Variants in EHD1 observed in about 807,000 individuals in gnomAD.
EHD1 encodes EH domain-containing protein 1.
A neutral mutation model predicts 39.0 loss-of-function variants in EHD1; 19 were observed. The ratio of observed to expected loss-of-function variants is 0.49; its 90% CI spans 0.34 to 0.72. The LOEUF (loss-of-function observed/expected upper bound fraction) is 0.72. Among genes scored for constraint, EHD1 ranks in the 30% least tolerant of loss-of-function variants. EHD1 has a pLI of 0.01. For missense variants in EHD1, 542 were observed against 751.5 expected (o/e 0.72, Z 3.26); for synonymous variants, 323 against 331.2 (o/e 0.98, Z 0.27).
At chr11:64,858,026 C>CTT (rs11327531) in intron 3 of EHD1, among the ~76,000 whole-genome samples, 2 of 121,804 alleles carry the variant, frequency 1.6e-5, no homozygotes, top group Admixed American at 8.2e-5. Flanking sequence ...CGGCAAGGGC[C>CTT]TTTTTTTTTT....
chr11:64,867,450 G>C (rs549947481), intron 2 of EHD1, among the ~76,000 whole-genome samples: 13 of 151,702 alleles, frequency 8.6e-5, no homozygotes, highest in African/African-American at 3.1e-4. Flanking sequence ...TAAGCGCGGC[G>C]GCTTATGCCA....
intron 1 of EHD1, chr11:64,875,601 A>C (rs926538524): frequency 6.6e-6 from 1 of 152,458 alleles, no homozygotes; most frequent in African/African-American, 2.4e-5. Flanking sequence ...AGAGCAAAGA[A>C]AAGACTGACC....
At chr11:64,870,668 G>A (rs1007308773) in intron 2 of EHD1, among the ~76,000 whole-genome samples, 3 of 152,242 alleles carry the variant, frequency 2.0e-5, no homozygotes, top group Non-Finnish European at 4.4e-5. Context: ...CGAACTGGCC[G>A]GGCTGCCCAC....
chr11:64,860,100 G>T lies in EHD1; in HGVS notation c.739C>A (p.Pro247Thr). The change falls in exon 3 of 5, where the codon CCC (proline) becomes ACC (threonine). Residue 247 changes from proline (P) to threonine (T), a missense_variant. Physicochemically the swap from Pro to Thr is conservative, Grantham distance 38 (BLOSUM62 -1). Coordinates refer to ENST00000320631, the MANE Select transcript of EHD1 (RefSeq NM_006795.4). Reference sequence around the variant, plus strand: ...CCGATGTAGACCCTGACCACCTCGGGGGTGTTGATGATCTTGCCCAGGGAC... The same window carrying T: ...CCGATGTAGACCCTGACCACCTCGGTGGTGTTGATGATCTTGCCCAGGGAC... ...MWSLGKIINTPEVVRVYIGSF... is the reference protein window; with the variant it reads ...MWSLGKIINTTEVVRVYIGSF... The T allele has an allele frequency of 6.2e-7, 1 of 1,614,170 alleles. No homozygotes were observed. Among genetic ancestry groups the T allele is most frequent in the Non-Finnish European group, 8.5e-7 (1 of 1,180,036 alleles).
At chr11:64,876,234 G>A (rs953827022) in intron 1 of EHD1, among the ~76,000 whole-genome samples, 1 of 152,254 alleles carries the variant, frequency 6.6e-6, no homozygotes, top group Non-Finnish European at 1.5e-5. Context: ...AGGCCGGCAA[G>A]TCAAGTTCAC....
chr11:64,866,209 CATGG>C (rs1201213968), intron 2 of EHD1, among the ~76,000 whole-genome samples: 1 of 152,136 alleles, frequency 6.6e-6, no homozygotes, highest in African/African-American at 2.4e-5. Context: ...TTTGCAGCAA[CATGG>C]ATGGAGCTGG....
At position 64,854,377 on chromosome 11, in the gene EHD1, G is replaced by A; in HGVS notation, c.1561C>T (p.Leu521=). The stretch of plus-strand genomic sequence containing the variant: ...GAGGGCGGCACCAGGTGCGGGGGCA[G>A]GTCGGCGGGCAGCTCGTGGCCCTCC... ...KLEGHELPAD[L]PPHLVPPSKR... The change falls in exon 5 of 5, where the codon CTG becomes TTG. Residue 521 remains leucine, a synonymous_variant. Coordinates refer to ENST00000320631, the MANE Select transcript of EHD1 (RefSeq NM_006795.4). 1 of 1,613,224 alleles carries A rather than the reference G, an allele frequency of 6.2e-7. No homozygotes were observed. Among genetic ancestry groups the A allele is most frequent in the Non-Finnish European group, 8.5e-7 (1 of 1,179,798 alleles).
Position 64,857,152 on chromosome 11 carries a change from C to T in EHD1, c.916-1666G>A, listed in dbSNP as rs546534142. Reference sequence around the variant, plus strand: ...AGAAAAACATCCAGCCAGCCGGGCGCGGTGGCTCACGCCTGTAATCCCAGC... The same window carrying T: ...AGAAAAACATCCAGCCAGCCGGGCGTGGTGGCTCACGCCTGTAATCCCAGC... On this transcript the variant is annotated intron_variant, in intron 3 of 4. Transcript: ENST00000320631. Among the ~76,000 whole-genome samples, 24 of 152,322 alleles carry T rather than the reference C, an allele frequency of 1.6e-4. No homozygotes were observed. The South Asian group carries it at 3.5e-3, about 22-fold the overall frequency.
In EHD1 at chr11:64,852,263, G is replaced by A. The variant is rs1297219796; in HGVS notation, c.*2070C>T. ...ACCCTTAGTTGCATGTTTGTCACAG[G>A]CTATCTGCTTTGTCTTCAGAGGCCC... On this transcript the variant is annotated 3_prime_UTR_variant, in exon 5 of 5. Transcript: ENST00000320631. 2.0e-5 allele frequency: 3 copies of A among 152,240 alleles called. No individual in the cohort carries two copies. The highest frequency in any genetic ancestry group is 4.4e-5 in the Non-Finnish European group (3 of 68,086). The allele number at this position is 152,240 out of a possible 1,614,324, so 9.4% of individuals were successfully genotyped here. A position where few individuals can be genotyped will look rare whatever the true frequency, so the allele number is the denominator to read the frequency against.
rs1401606550 is a variant in EHD1, at chr11:64,878,102, G to A, written c.363C>T (p.Pro121=). ...TGCCAAACGCGTTGAGCTTGCGGAA[G>A]GGGCGCCGCGGGTCCACCACGAGCG... ...GNALVVDPRR[P]FRKLNAFGNA... Residue 121 remains proline (P), a synonymous_variant, in exon 1 of 5, where the codon CCC becomes CCT. Coordinates refer to ENST00000320631, the MANE Select transcript of EHD1 (RefSeq NM_006795.4). 5 of 1,541,424 alleles carry A rather than the reference G, an allele frequency of 3.2e-6. No homozygotes were observed. The highest frequency in any genetic ancestry group is 4.4e-6 in the Non-Finnish European group (5 of 1,143,638).
At chr11:64,859,601 G>A (rs1943690498) in intron 3 of EHD1, 1 of 311,222 alleles carries the variant, frequency 3.2e-6, no homozygotes, top group Non-Finnish European at 6.0e-6. Context: ...CATTTCTGAG[G>A]CTGCCTCCTT....
intron 2 of EHD1, among the ~76,000 whole-genome samples, chr11:64,865,200 T>C (rs1943754820): frequency 6.6e-6 from 1 of 152,276 alleles, no homozygotes; most frequent in East Asian, 1.9e-4. Context: ...ATGCAGGCAG[T>C]GACCACGTAA....
In EHD1 at chr11:64,854,100, C is replaced by T. The variant is rs1943614843; in HGVS notation, c.*233G>A. On this transcript the variant is annotated 3_prime_UTR_variant, in exon 5 of 5. Coordinates refer to ENST00000320631, the MANE Select transcript of EHD1 (RefSeq NM_006795.4). ...CGGCGACAAAGAACGCAGCCTCTAA[C>T]GTTATATATTAAAATAGCCACAGTT... 4.1e-6 allele frequency: 3 copies of T among 737,644 alleles called. No homozygotes were observed. The highest frequency in any genetic ancestry group is 4.0e-4 in the Middle Eastern group (1 of 2,494). 45.7% of individuals were successfully genotyped at this position (737,644 alleles called of 1,614,324 possible). A position where few individuals can be genotyped will look rare whatever the true frequency, so the allele number is the denominator to read the frequency against.
chr11:64,872,045 A>G (rs1182852858), intron 2 of EHD1, among the ~76,000 whole-genome samples: 1 of 152,204 alleles, frequency 6.6e-6, no homozygotes. Context: ...GAAAGGAAGC[A>G]GAGGGAGTGG....
At chr11:64,874,032 G>A (rs1488745190) in intron 2 of EHD1, among the ~76,000 whole-genome samples, 6 of 151,024 alleles carry the variant, frequency 4.0e-5, no homozygotes, top group Non-Finnish European at 3.0e-5. Flanking sequence ...GCAGCCAGGT[G>A]TGGCGGCTCA....
upstream of EHD1, chr11:64,878,654 G>A: frequency 1.4e-6 from 2 of 1,384,768 alleles, no homozygotes; most frequent in Non-Finnish European, 1.9e-6. Flanking sequence ...GCCTTTATAG[G>A]GTCGGTCCCT....
At chr11:64,864,015 T>G (rs2136486236) in intron 2 of EHD1, among the ~76,000 whole-genome samples, 1 of 152,312 alleles carries the variant, frequency 6.6e-6, no homozygotes, top group Admixed American at 6.5e-5. Context: ...GTCAAGGACT[T>G]TCATCCTTGA....
chr11:64,854,274 TCCC>T lies in EHD1; in HGVS notation c.*56_*58del. On this transcript the variant is annotated 3_prime_UTR_variant, in exon 5 of 5. Coordinates refer to ENST00000320631, the MANE Select transcript of EHD1 (RefSeq NM_006795.4). Reference sequence around the variant, plus strand: ...CCTTGAGAAATGGTGAGGCTTCCCCTCCCCCCGTCTCTGCCTCCCGGCCGGGCG... The same window carrying T: ...CCTTGAGAAATGGTGAGGCTTCCCCTCCCGTCTCTGCCTCCCGGCCGGGCG... The T allele has an allele frequency of 6.6e-7, 1 of 1,524,520 alleles. No individual in the cohort carries two copies. Among genetic ancestry groups the T allele is most frequent in the Non-Finnish European group, 8.8e-7 (1 of 1,139,122 alleles). The allele number at this position is 1,524,520 out of a possible 1,614,324, so 94.4% of individuals were successfully genotyped here.
intron 2 of EHD1, among the ~76,000 whole-genome samples, chr11:64,873,979 ATT>A (rs1214387460): frequency 7.1e-6 from 1 of 140,172 alleles, no homozygotes. Flanking sequence ...GCCCGGCCAC[ATT>A]TTTTTTTTTA....
Sources: allele counts gnomAD v4.1 joint callset (sites outside exome capture counted in the v4.1 genomes callset), GRCh38; gene constraint gnomAD v4.1.1; transcripts MANE v1.5; gene names NCBI Gene and HGNC (gene_info 2026-07-23, HGNC 2026-07-21).